INAVA: variants seen among roughly 807,000 people sequenced by gnomAD.
INAVA encodes innate immunity activator.
INAVA carries 32 observed loss-of-function variants against 55.3 expected under a neutral mutation model. The observed-to-expected ratio is 0.58, with a 90% CI of 0.44 to 0.78. The LOEUF (loss-of-function observed/expected upper bound fraction) is 0.78, where lower values mean the gene tolerates loss of function less well. INAVA is among the 30% of genes least tolerant of loss of function. The probability of loss-of-function intolerance (pLI) is 0.00; values close to 1 mark genes in which losing one functional copy is unlikely to be tolerated. For synonymous variants in INAVA, 294 were observed against 329.4 expected (o/e 0.89, Z 1.16); for missense variants, 756 against 786.4 (o/e 0.96, Z 0.46).
rs1335056986 is a variant in INAVA at position 200,901,069 on chromosome 1, GAGA to G, written c.436_438del (p.Lys146del). ...GCGGAAGCACTCCATGCTGCAGGAG[GAGA>G]AGAAGCTGCAGGAGCTCCAGCGCTG... On this transcript the variant is annotated inframe_deletion, in exon 5 of 10. Coordinates refer to ENST00000413687, the MANE Select transcript of INAVA (RefSeq NM_001142569.3). The G allele has an allele frequency of 7.8e-6, 12 of 1,542,780 alleles. No individual in the cohort carries two copies. Among genetic ancestry groups the G allele is most frequent in the East Asian group, 2.4e-5 (1 of 40,924 alleles).
chr1:200,908,214 C>CA (rs1207685455), intron 6 of INAVA: 6 of 270,782 alleles, frequency 2.2e-5, no homozygotes, highest in Middle Eastern at 1.2e-3. Context: ...AGCCAAAGAG[C>CA]AATCTGCCCA....
In INAVA at chr1:200,899,561, C is replaced by T. The variant is rs1653138739; in HGVS notation, c.144C>T (p.Cys48=). The T allele has an allele frequency of 2.5e-6, 4 of 1,613,282 alleles. No individual in the cohort carries two copies. Among genetic ancestry groups the T allele is most frequent in the Middle Eastern group, 3.4e-4 (2 of 5,866 alleles). The change falls in exon 3 of 10, where the codon TGC becomes TGT. Residue 48 remains cysteine (C), a synonymous_variant. Transcript: ENST00000413687. ...CCCTGGAAGCGAGGCTGGAGGCCTG[C>T]CTGGAGGAGCTGAGGAGACTCTGCC... ...QRALEARLEA[C]LEELRRLCLR...
intron 2 of INAVA, among the ~76,000 whole-genome samples, chr1:200,898,939 A>C (rs145710281): frequency 0.023 from 3,489 of 152,236 alleles, 122 homozygotes; most frequent in African/African-American, 0.078. Flanking sequence ...AGATCGCGGC[A>C]TTGCACTCCA....
chr1:200,900,621 C>G (rs939642416), intron 4 of INAVA, among the ~76,000 whole-genome samples: 5 of 152,348 alleles, frequency 3.3e-5, no homozygotes, highest in South Asian at 4.1e-4. Flanking sequence ...GCAGCAGTTT[C>G]CCATGGGCCA....
rs765603297 is a variant in INAVA at position 200,900,250 on chromosome 1, C to T, written c.297+30C>T. The T allele has an allele frequency of 4.4e-6, 7 of 1,583,122 alleles. No homozygotes were observed. In the South Asian group the frequency reaches 7.8e-5, roughly 18 times the overall value. On this transcript the variant is annotated intron_variant, in intron 4 of 9. Coordinates refer to ENST00000413687, the MANE Select transcript of INAVA (RefSeq NM_001142569.3). ...GGAACCTCAGGAAGCTGCCAGTACC[C>T]CTCGATCCCCAAAGCTGATCACTGA...
In INAVA at chr1:200,894,949, ACGG is replaced by A; in HGVS notation, c.-231_-229del. 7 of 985,676 alleles carry A rather than the reference ACGG, an allele frequency of 7.1e-6. No homozygotes were observed. The South Asian group carries it at 3.3e-4, about 46-fold the overall frequency. The allele number at this position is 985,676 out of a possible 1,614,324, so 61.1% of individuals were successfully genotyped here. A position where few individuals can be genotyped will look rare whatever the true frequency, so the allele number is the denominator to read the frequency against. ...TAGGCAGGTGAGCCGAGACGGACGG[ACGG>A]CCAGCAGCTCCGTCAGCTGGAGAGA... On this transcript the variant is annotated 5_prime_UTR_variant, in exon 1 of 10. Transcript: ENST00000413687.
intron 1 of INAVA, among the ~76,000 whole-genome samples, chr1:200,896,080 C>T (rs1668344279): frequency 6.6e-6 from 1 of 152,214 alleles, no homozygotes; most frequent in African/African-American, 2.4e-5. Flanking sequence ...GGGAGGCGTG[C>T]TAAGGTACCC....
chr1:200,910,448 C>G (rs1403102845), intron 8 of INAVA, among the ~76,000 whole-genome samples: 4 of 152,292 alleles, frequency 2.6e-5, no homozygotes, highest in African/African-American at 9.6e-5. Context: ...GCAGTATTGG[C>G]CATACCATAT....
At chr1:200,895,635 C>T (rs1668330880) in intron 1 of INAVA, among the ~76,000 whole-genome samples, 2 of 152,142 alleles carry the variant, frequency 1.3e-5, no homozygotes, top group African/African-American at 2.4e-5. Context: ...TGCCCTCGCT[C>T]TCACCTGTTG....
At position 200,911,653 on chromosome 1, in the gene INAVA, G is replaced by C; in HGVS notation, c.1160G>C (p.Ser387Thr). The change falls in exon 9 of 10, where the codon AGC becomes ACC. Residue 387 changes from serine (S) to threonine (T), a missense_variant. Physicochemically the swap from Ser to Thr is moderately conservative, Grantham distance 58. Coordinates refer to ENST00000413687, the MANE Select transcript of INAVA (RefSeq NM_001142569.3). Reference sequence around the variant, plus strand: ...ATCTCCCACCCCACTTCGCCGGGCAGCAGCAGCCCCGACATCTCCTTTCTG... The same window carrying C: ...ATCTCCCACCCCACTTCGCCGGGCACCAGCAGCCCCGACATCTCCTTTCTG... ...SSISHPTSPG[S>T]SSPDISFLQP... 1.2e-6 allele frequency: 2 copies of C among 1,614,048 alleles called. No homozygotes were observed. The highest frequency in any genetic ancestry group is 2.7e-5 in the African/African-American group (2 of 75,048).
chr1:200,901,103 T>G lies in INAVA; in HGVS notation c.464T>G (p.Val155Gly). The G allele has an allele frequency of 4.6e-6, 7 of 1,535,460 alleles. No individual in the cohort carries two copies. Among genetic ancestry groups the G allele is most frequent in the Non-Finnish European group, 6.1e-6 (7 of 1,145,332 alleles). The change falls in exon 5 of 10, where the codon GTC becomes GGC. Residue 155 changes from valine to glycine, a missense_variant. Around this residue, in one of 2 missense-constraint regions of INAVA, gnomAD observed 639 missense variants for 624.3 expected, o/e 1.02. Transcript: ENST00000413687. The part of the protein sequence containing the change: ...KKLQELQRCL[V>G]ERRRNSEPPP... ...CTGCAGGAGCTCCAGCGCTGCCTGG[T>G]CGAGCGGCGGCGCAATAGCGAGCCA...
At chr1:200,912,160 C>T (rs537764606) in intron 9 of INAVA, 23 bp downstream of exon 9, 1 of 1,532,778 alleles carries the variant, frequency 6.5e-7, no homozygotes, top group South Asian at 1.2e-5. Flanking sequence ...TGGAGGGACC[C>T]CGGGGCCAGG....
chr1:200,891,663 G>GC, upstream of INAVA: 1 of 1,495,836 alleles, frequency 6.7e-7, no homozygotes, highest in Non-Finnish European at 8.9e-7. Flanking sequence ...AGTGGAGGGC[G>GC]CAGGGGCAGG....
intron 1 of INAVA, among the ~76,000 whole-genome samples, chr1:200,897,910 C>G (rs1462580745): frequency 6.6e-6 from 1 of 152,198 alleles, no homozygotes; most frequent in Non-Finnish European, 1.5e-5. Flanking sequence ...GCGTGAGCCA[C>G]CATGCTGGGC....
At chr1:200,907,660 TAA>T (rs35342076) in intron 5 of INAVA, among the ~76,000 whole-genome samples, 172 bp from the exon 6 acceptor site, 2 of 145,476 alleles carry the variant, frequency 1.4e-5, no homozygotes, top group Admixed American at 6.9e-5. Flanking sequence ...CCCTGTCTCT[TAA>T]AAAAAAAAAA....
chr1:200,900,307 G>T (rs1010985946), intron 4 of INAVA, 87 bp downstream of exon 4: 8 of 1,223,346 alleles, frequency 6.5e-6, no homozygotes, highest in Non-Finnish European at 8.2e-6. Context: ...ACCCTGGCAG[G>T]TTCCCTTCCA....
intron 7 of INAVA, 52 bp downstream of exon 7, chr1:200,908,992 G>C (rs1026324548): frequency 1.5e-5 from 24 of 1,556,336 alleles, no homozygotes; most frequent in Non-Finnish European, 1.7e-5. Context: ...GAGTCGGTGG[G>C]AGCTATGCTG....
At chr1:200,905,440 T>C (rs1033219412) in intron 5 of INAVA, among the ~76,000 whole-genome samples, 13 of 152,162 alleles carry the variant, frequency 8.5e-5, no homozygotes, top group African/African-American at 3.1e-4. Context: ...TAGTCCCAGC[T>C]ACTCAGGAGT....
At chr1:200,908,567 A>G (rs180775145) in intron 6 of INAVA, 163 bp from the exon 7 acceptor site, 3 of 615,624 alleles carry the variant, frequency 4.9e-6, no homozygotes, top group Non-Finnish European at 8.5e-6. Flanking sequence ...CCAAAGGAGA[A>G]GAAAACATGT....
Sources: gnomAD v4.1 joint callset for allele counts (sites outside exome capture counted in the v4.1 genomes callset) on GRCh38, gnomAD v4.1.1 for gene constraint, gnomAD v4.1.1 regional missense constraint, MANE v1.5 for transcripts, NCBI Gene and HGNC (gene_info 2026-07-23, HGNC 2026-07-21) for gene names.